EGFLAM: variants seen among roughly 807,000 people sequenced by gnomAD.
The protein encoded by EGFLAM is pikachurin.
In EGFLAM, 79 loss-of-function variants were observed where a neutral mutation model predicts 113.1. The ratio of observed to expected loss-of-function variants is 0.70; its 90% CI spans 0.58 to 0.84. EGFLAM has a LOEUF of 0.84. EGFLAM is among the 40% of genes least tolerant of loss of function. EGFLAM has a pLI of 0.00. For missense variants in EGFLAM, 1,265 were observed against 1,291.6 expected, an observed-to-expected ratio of 0.98 and a Z score of 0.32; for synonymous variants, 504 against 487.6, an observed-to-expected ratio of 1.03 and a Z score of -0.44.
rs1412020339 is a variant in EGFLAM, at chr5:38,318,213, G to C, written c.98-19307G>C. 3.3e-5 allele frequency among the ~76,000 whole-genome samples: 5 copies of C among 151,672 alleles called. No homozygotes were observed. In the East Asian group the frequency reaches 7.7e-4, roughly 24 times the overall value. On this transcript the variant is annotated intron_variant, in intron 1 of 21. Transcript: ENST00000322350. ...GTTGTTTTATTTTGGATTAATTTTA[G>C]ACTTATTAATTTTAGACTTAAAGGA...
intron 13 of EGFLAM, 95 bp from the exon 14 acceptor site, chr5:38,426,914 G>A (rs899319728): frequency 2.6e-5 from 40 of 1,536,818 alleles, no homozygotes; most frequent in African/African-American, 5.4e-5. Context: ...TTGTAGTTTA[G>A]GTCTGTACCC....
At chr5:38,439,208 C>T (rs756641616) in intron 17 of EGFLAM, among the ~76,000 whole-genome samples, 1 of 151,968 alleles carries the variant, frequency 6.6e-6, no homozygotes, top group Non-Finnish European at 1.5e-5. Context: ...TCCATCTTAC[C>T]CTAGACTGAA....
chr5:38,412,656 T>A lies in EGFLAM; in HGVS notation c.1494+8T>A. 1.2e-6 allele frequency: 2 copies of A among 1,613,222 alleles called. No homozygotes were observed. Among genetic ancestry groups the A allele is most frequent in the Non-Finnish European group, 8.5e-7 (1 of 1,179,918 alleles). ...GTGACAGGCCAGTCTCAGGTATGTA[T>A]GAGCCCCACACCCTGCCCACCCCAC... On this transcript the variant is annotated splice_region_variant and intron_variant, in intron 11 of 21. Coordinates refer to ENST00000322350, the MANE Select transcript of EGFLAM (RefSeq NM_152403.4).
chr5:38,334,206 G>A (rs1173753508), intron 1 of EGFLAM, among the ~76,000 whole-genome samples: 2 of 152,184 alleles, frequency 1.3e-5, no homozygotes, highest in Non-Finnish European at 2.9e-5. Flanking sequence ...TTACAGGCGT[G>A]AGCCACCATG....
In EGFLAM at chr5:38,258,865, C is replaced by T. The variant is rs781310970; in HGVS notation, c.97+14C>T. The stretch of plus-strand genomic sequence containing the variant: ...TCCGAAAACCAGGTAATGCGCTCCT[C>T]CGCCCAGAGCCACCACGCCCCGAGC... On this transcript the variant is annotated intron_variant, in intron 1 of 21. Transcript: ENST00000322350. 8.7e-6 allele frequency: 14 copies of T among 1,604,624 alleles called. 1 individual carries two copies. In the South Asian group the frequency reaches 1.5e-4, roughly 18 times the overall value.
In EGFLAM at chr5:38,273,231, C is replaced by T. The variant is rs75636349; in HGVS notation, c.97+14380C>T. 5.3e-3 allele frequency among the ~76,000 whole-genome samples: 808 copies of T among 152,328 alleles called. 9 individuals carry two copies. The highest frequency in any genetic ancestry group is 0.018 in the African/African-American group (751 of 41,558). ...AATAAGCAAAGGAGTTTGCTTTGCACTCTAATTCTGGGCTCACCACAGTAA... is the reference window on the plus strand; with the variant it reads ...AATAAGCAAAGGAGTTTGCTTTGCATTCTAATTCTGGGCTCACCACAGTAA... On this transcript the variant is annotated intron_variant, in intron 1 of 21. Coordinates refer to ENST00000322350, the MANE Select transcript of EGFLAM (RefSeq NM_152403.4).
chr5:38,450,657 A>G (rs1196872417), intron 18 of EGFLAM, among the ~76,000 whole-genome samples: 2 of 152,232 alleles, frequency 1.3e-5, no homozygotes, highest in African/African-American at 4.8e-5. Context: ...TCTATTCCCA[A>G]GCATTGCTAA....
chr5:38,450,843 C>T (rs1173706437), intron 18 of EGFLAM, among the ~76,000 whole-genome samples: 1 of 152,292 alleles, frequency 6.6e-6, no homozygotes, highest in African/African-American at 2.4e-5. Flanking sequence ...GACGCCATCG[C>T]TTGGGTATTT....
At chr5:38,293,049 C>T (rs1012724149) in intron 1 of EGFLAM, among the ~76,000 whole-genome samples, 1 of 152,294 alleles carries the variant, frequency 6.6e-6, no homozygotes, top group African/African-American at 2.4e-5. Flanking sequence ...GACTCTGACT[C>T]CATATGTTTT....
chr5:38,284,480 T>C (rs1050683282), intron 1 of EGFLAM, among the ~76,000 whole-genome samples: 1 of 152,224 alleles, frequency 6.6e-6, no homozygotes, highest in Non-Finnish European at 1.5e-5. Flanking sequence ...ACTTTATTTA[T>C]GGATACAAGG....
Position 38,464,063 on chromosome 5 carries a change from A to T in EGFLAM, c.*77A>T. ...GGGCCCTCAGACCCTGCCTGATGCT[A>T]TATGCAGAGGCCCAGGGACCAGGTG... On this transcript the variant is annotated 3_prime_UTR_variant, in exon 22 of 22. Coordinates refer to ENST00000322350, the MANE Select transcript of EGFLAM (RefSeq NM_152403.4). 2 of 1,575,746 alleles carry T rather than the reference A, an allele frequency of 1.3e-6. No individual in the cohort carries two copies. Among genetic ancestry groups the T allele is most frequent in the Non-Finnish European group, 1.7e-6 (2 of 1,153,322 alleles).
intron 1 of EGFLAM, among the ~76,000 whole-genome samples, chr5:38,320,191 C>T (rs1001624845): frequency 3.9e-5 from 6 of 152,216 alleles, no homozygotes; most frequent in African/African-American, 1.4e-4. Flanking sequence ...AAGACACTAG[C>T]TTCTCTGAGT....
rs1738574634 is a variant in EGFLAM, at chr5:38,315,661, C to CAG, written c.98-21859_98-21858insAG. Among the ~76,000 whole-genome samples the CAG allele has an allele frequency of 2.0e-5, 3 of 152,254 alleles. 1 individual carries two copies. In the South Asian group the frequency reaches 6.2e-4, roughly 32 times the overall value. On this transcript the variant is annotated intron_variant, in intron 1 of 21. Coordinates refer to ENST00000322350, the MANE Select transcript of EGFLAM (RefSeq NM_152403.4). ...GAGAGGCTGGTTTCTGACCTGGATT[C>CAG]CTAGCTGTCACCTATGAGGTGTGTG...
At chr5:38,360,399 C>T (rs1739887071) in intron 5 of EGFLAM, among the ~76,000 whole-genome samples, 1 of 152,052 alleles carries the variant, frequency 6.6e-6, no homozygotes, top group Non-Finnish European at 1.5e-5. Flanking sequence ...TGCTTGATTC[C>T]AGTCCTCAGT....
intron 3 of EGFLAM, among the ~76,000 whole-genome samples, chr5:38,339,288 T>C (rs762886384): frequency 6.6e-6 from 1 of 152,154 alleles, no homozygotes. Flanking sequence ...TCATCTATTT[T>C]CTTTTCTGTT....
chr5:38,272,233 G>GC (rs1175999560), intron 1 of EGFLAM, among the ~76,000 whole-genome samples: 1 of 152,200 alleles, frequency 6.6e-6, no homozygotes, highest in Non-Finnish European at 1.5e-5. Context: ...TTGAAGTAAT[G>GC]CATGGGGCTG....
At chr5:38,455,191 G>GCTTT (rs1743048730) in intron 19 of EGFLAM, among the ~76,000 whole-genome samples, 2 of 152,236 alleles carry the variant, frequency 1.3e-5, no homozygotes, top group Middle Eastern at 3.4e-3. Context: ...GATTAAAAGT[G>GCTTT]CCACCACAGG....
chr5:38,365,992 A>C (rs1740048903), intron 5 of EGFLAM, among the ~76,000 whole-genome samples: 1 of 152,188 alleles, frequency 6.6e-6, no homozygotes, highest in Admixed American at 6.5e-5. Context: ...TGACATCAAA[A>C]GGTTTTCCTG....
At chr5:38,395,775 G>C (rs17340878) in intron 6 of EGFLAM, among the ~76,000 whole-genome samples, 23,052 of 152,038 alleles carry the variant, frequency 0.15, 1,925 homozygotes, top group Non-Finnish European at 0.17. Flanking sequence ...TCTCCCTGAT[G>C]TAGCTCCTGA....
Sources: allele counts gnomAD v4.1 joint callset (sites outside exome capture counted in the v4.1 genomes callset), GRCh38; gene constraint gnomAD v4.1.1; transcripts MANE v1.5; gene names NCBI Gene and HGNC (gene_info 2026-07-23, HGNC 2026-07-21).